CNTNAP4: variants seen among roughly 807,000 people sequenced by gnomAD.
CNTNAP4 encodes the protein contactin-associated protein-like 4.
In CNTNAP4, 98 loss-of-function variants were observed where a neutral mutation model predicts 148.4. The ratio of observed to expected loss-of-function variants is 0.66; its 90% confidence interval spans 0.56 to 0.78. The LOEUF (loss-of-function observed/expected upper bound fraction) is 0.78. Among genes scored for constraint, CNTNAP4 ranks in the 30% least tolerant of loss-of-function variants. The pLI is 0.00. For missense variants in CNTNAP4, 1,935 were observed against 1,565.6 expected (o/e 1.24, Z -3.98); for synonymous variants, 730 against 565.1 (o/e 1.29, Z -4.14).
At chr16:76,501,152 T>C (rs1232993273) in intron 15 of CNTNAP4, among the ~76,000 whole-genome samples, 4 of 152,220 alleles carry the variant, frequency 2.6e-5, no homozygotes, top group Non-Finnish European at 5.9e-5. Flanking sequence ...TACTTCCTGT[T>C]CTACCAGTGA....
intron 15 of CNTNAP4, among the ~76,000 whole-genome samples, chr16:76,501,175 C>T (rs7350829): frequency 0.17 from 25,166 of 152,128 alleles, 2,645 homozygotes; most frequent in Admixed American, 0.3. Flanking sequence ...CTTACACAAT[C>T]CCATGAAGAT....
intron 2 of CNTNAP4, among the ~76,000 whole-genome samples, chr16:76,349,906 C>T (rs962074871): frequency 3.3e-5 from 5 of 152,004 alleles, no homozygotes; most frequent in Non-Finnish European, 5.9e-5. Context: ...GAATGTCTGT[C>T]ATGCCATTTT....
At chr16:76,384,131 C>T (rs2016276326) in intron 3 of CNTNAP4, among the ~76,000 whole-genome samples, 1 of 152,010 alleles carries the variant, frequency 6.6e-6, no homozygotes, top group African/African-American at 2.4e-5. Flanking sequence ...GCAACCTCCG[C>T]CTCCCAGGTT....
intron 3 of CNTNAP4, among the ~76,000 whole-genome samples, chr16:76,422,001 G>A (rs924164769): frequency 3.3e-5 from 5 of 152,080 alleles, no homozygotes; most frequent in African/African-American, 4.8e-5. Flanking sequence ...GCTTTTATAC[G>A]TGAGTTGCTC....
chr16:76,538,210 A>C lies in CNTNAP4; in HGVS notation c.3090A>C (p.Ser1030=), dbSNP rs756904952. ...AAAACTCCAGCTCCCACGCTGCTTCATTTCATGGTGATATGAAGCTGAGCA... is the reference window on the plus strand; with the variant it reads ...AAAACTCCAGCTCCCACGCTGCTTCCTTTCATGGTGATATGAAGCTGAGCA... The part of the protein sequence containing the change: ...LSKNSSSHAA[S]FHGDMKLSRE... Residue 1030 remains serine, a synonymous_variant, in exon 19 of 24, where the codon TCA becomes TCC. Transcript: ENST00000611870. 2 of 1,609,768 alleles carry C rather than the reference A, an allele frequency of 1.2e-6. No homozygotes were observed. Among genetic ancestry groups the C allele is most frequent in the Non-Finnish European group, 1.7e-6 (2 of 1,178,540 alleles).
chr16:76,336,481 C>T (rs1452355024), intron 2 of CNTNAP4, among the ~76,000 whole-genome samples: 1 of 152,144 alleles, frequency 6.6e-6, no homozygotes, highest in African/African-American at 2.4e-5. Context: ...ACCAGCATAC[C>T]ACTGATCAGA....
chr16:76,491,484 G>C (rs7188308), intron 13 of CNTNAP4, among the ~76,000 whole-genome samples: 95,023 of 152,110 alleles, frequency 0.62, 30,208 homozygotes, highest in East Asian at 0.77. Context: ...GGCATAGCAC[G>C]TACAAAGTGC....
chr16:76,310,405 A>G (rs757354707), intron 1 of CNTNAP4, among the ~76,000 whole-genome samples: 1 of 152,198 alleles, frequency 6.6e-6, no homozygotes, highest in Non-Finnish European at 1.5e-5. Context: ...TTCTAATTTT[A>G]ACTGGATGGA....
chr16:76,293,366 T>C (rs1959171697), intron 1 of CNTNAP4, among the ~76,000 whole-genome samples: 1 of 152,092 alleles, frequency 6.6e-6, no homozygotes, highest in South Asian at 2.1e-4. Context: ...GATCTCGTTT[T>C]TCACTATTCA....
intron 1 of CNTNAP4, among the ~76,000 whole-genome samples, chr16:76,289,641 C>T (rs944413254): frequency 2.6e-5 from 4 of 151,466 alleles, no homozygotes; most frequent in Non-Finnish European, 2.9e-5. Context: ...GGCACAATCT[C>T]GGCTCACTGC....
intron 14 of CNTNAP4, among the ~76,000 whole-genome samples, chr16:76,498,002 C>T (rs982902778): frequency 6.6e-6 from 1 of 152,030 alleles, no homozygotes; most frequent in African/African-American, 2.4e-5. Flanking sequence ...GAAAATTGTC[C>T]ATTGAATTAA....
chr16:76,367,856 A>C (rs2014340372), intron 3 of CNTNAP4, among the ~76,000 whole-genome samples: 1 of 152,138 alleles, frequency 6.6e-6, no homozygotes, highest in African/African-American at 2.4e-5. Flanking sequence ...GTAACTTCTC[A>C]GGGATACTTG....
rs546223999 is a variant in CNTNAP4 at position 76,486,206 on chromosome 16, C to A, written c.1883-3480C>A. On this transcript the variant is annotated intron_variant, in intron 12 of 23. Transcript: ENST00000611870. Reference sequence around the variant, plus strand: ...CATCTCTTATTCATTTCCCTGTCTCCTTACCCTACCACTCTTTTTGCATTT... The same window carrying A: ...CATCTCTTATTCATTTCCCTGTCTCATTACCCTACCACTCTTTTTGCATTT... Among the ~76,000 whole-genome samples, 15 of 152,280 alleles carry A rather than the reference C, an allele frequency of 9.9e-5. No homozygotes were observed. In the South Asian group the frequency reaches 2.7e-3, roughly 27 times the overall value.
intron 12 of CNTNAP4, among the ~76,000 whole-genome samples, chr16:76,480,727 ACT>A (rs1333179455): frequency 2.0e-5 from 3 of 151,882 alleles, no homozygotes; most frequent in South Asian, 4.2e-4. Context: ...ACAGAGTGAG[ACT>A]CTGTCTCAAA....
intron 3 of CNTNAP4, among the ~76,000 whole-genome samples, chr16:76,405,610 G>T (rs922665262): frequency 1.3e-5 from 2 of 152,096 alleles, no homozygotes; most frequent in Non-Finnish European, 1.5e-5. Flanking sequence ...TTAACTAGAA[G>T]TGAGTCATCA....
intron 17 of CNTNAP4, among the ~76,000 whole-genome samples, chr16:76,533,473 G>A (rs1476185486): frequency 6.6e-6 from 1 of 152,140 alleles, no homozygotes; most frequent in Non-Finnish European, 1.5e-5. Context: ...TAACTAGGAA[G>A]ATATTGAATG....
At chr16:76,478,502 G>A (rs1385267000) in intron 11 of CNTNAP4, among the ~76,000 whole-genome samples, 1 of 152,140 alleles carries the variant, frequency 6.6e-6, no homozygotes, top group Non-Finnish European at 1.5e-5. Flanking sequence ...AGTATTTCAC[G>A]TTGTTTAAAC....
intron 4 of CNTNAP4, among the ~76,000 whole-genome samples, chr16:76,434,367 C>T (rs1424300233): frequency 6.6e-6 from 1 of 152,112 alleles, no homozygotes; most frequent in Non-Finnish European, 1.5e-5. Flanking sequence ...TCTGGTGAGC[C>T]TTATGGACAG....
chr16:76,449,851 T>A lies in CNTNAP4; in HGVS notation c.1064T>A (p.Ile355Asn). Residue 355 changes from isoleucine (I) to asparagine (N), a missense_variant, in exon 7 of 24, where the codon ATT becomes AAT. Physicochemically the swap from Ile to Asn is moderately radical, Grantham distance 149. Transcript: ENST00000611870. ...GCCAAGCAGCAAAAACCACAGATCATTGCTATGGTGAGAGTCTTTATGCGA... is the reference window on the plus strand; with the variant it reads ...GCCAAGCAGCAAAAACCACAGATCAATGCTATGGTGAGAGTCTTTATGCGA... ...DLAKQQKPQIIAMGNVSFSCS... is the reference protein window; with the variant it reads ...DLAKQQKPQINAMGNVSFSCS... 3 of 1,606,900 alleles carry A rather than the reference T, an allele frequency of 1.9e-6. No homozygotes were observed. Among genetic ancestry groups the A allele is most frequent in the Non-Finnish European group, 2.5e-6 (3 of 1,177,052 alleles).
Sources: allele counts gnomAD v4.1 joint callset (sites outside exome capture counted in the v4.1 genomes callset), GRCh38; gene constraint gnomAD v4.1.1; transcripts MANE v1.5; gene names NCBI Gene and HGNC (gene_info 2026-07-23, HGNC 2026-07-21).